RORB: variants seen among roughly 807,000 people sequenced by gnomAD.
RORB encodes nuclear receptor ROR-beta.
RORB carries 6 observed loss-of-function variants against 59.1 expected under a neutral mutation model. That is an observed-to-expected ratio of 0.10 (90% confidence interval 0.06 to 0.20). The LOEUF is 0.20. RORB is among the 10% of genes least tolerant of loss of function. The pLI is 1.00. For synonymous variants in RORB, 215 were observed against 204.5 expected, an observed-to-expected ratio of 1.05 and a Z score of -0.44; for missense variants, 320 against 560.5, an observed-to-expected ratio of 0.57 and a Z score of 4.33.
chr9:74,593,946 G>C (rs1822937001), intron 1 of RORB, among the ~76,000 whole-genome samples: 1 of 152,114 alleles, frequency 6.6e-6, no homozygotes, highest in Non-Finnish European at 1.5e-5. Flanking sequence ...TTCACAAAAA[G>C]TTAACTCATA....
intron 9 of RORB, among the ~76,000 whole-genome samples, chr9:74,681,520 T>G (rs1390178094): frequency 6.6e-6 from 1 of 152,154 alleles, no homozygotes; most frequent in Non-Finnish European, 1.5e-5. Context: ...GCGATCTGAG[T>G]GCTCTTTAAC....
chr9:74,555,019 A>C (rs1822265306), intron 1 of RORB, among the ~76,000 whole-genome samples: 1 of 152,190 alleles, frequency 6.6e-6, no homozygotes, highest in Non-Finnish European at 1.5e-5. Flanking sequence ...CAAAATCAAC[A>C]CTGGGAATTG....
intron 1 of RORB, among the ~76,000 whole-genome samples, chr9:74,601,892 A>G (rs778736910): frequency 3.3e-5 from 5 of 152,198 alleles, no homozygotes; most frequent in Non-Finnish European, 5.9e-5. Context: ...GAGTTGAACA[A>G]GCAAAGCAAC....
chr9:74,540,242 C>T (rs1826385029), intron 1 of RORB, among the ~76,000 whole-genome samples: 1 of 152,072 alleles, frequency 6.6e-6, no homozygotes, highest in South Asian at 2.1e-4. Context: ...TGCTGCCACC[C>T]CTGCCCCCTC....
At chr9:74,584,130 G>T (rs772909870) in intron 1 of RORB, among the ~76,000 whole-genome samples, 1 of 152,192 alleles carries the variant, frequency 6.6e-6, no homozygotes, top group African/African-American at 2.4e-5. Flanking sequence ...TTAATATCAT[G>T]AAATAGGCTA....
At chr9:74,631,947 G>A (rs1354585997) in intron 2 of RORB, among the ~76,000 whole-genome samples, 6 of 152,166 alleles carry the variant, frequency 3.9e-5, no homozygotes, top group Non-Finnish European at 8.8e-5. Context: ...TAGTTTAGGA[G>A]TCAGAATCCT....
chr9:74,509,029 G>C (rs528056999), intron 1 of RORB, among the ~76,000 whole-genome samples: 116 of 152,082 alleles, frequency 7.6e-4, no homozygotes, highest in Non-Finnish European at 1.4e-3. Flanking sequence ...CGTTTGGCCA[G>C]CATTGGCCCT....
In RORB at chr9:74,689,010, T is replaced by C. The variant is rs1428865065; in HGVS notation, c.*3392T>C. 1.3e-5 allele frequency: 2 copies of C among 152,150 alleles called. No individual in the cohort carries two copies. The highest frequency in any genetic ancestry group is 6.5e-5 in the Admixed American group (1 of 15,276). The allele number at this position is 152,150 out of a possible 1,614,324, so 9.4% of individuals were successfully genotyped here. On this transcript the variant is annotated 3_prime_UTR_variant, in exon 10 of 10. Coordinates refer to ENST00000376896, the MANE Select transcript of RORB (RefSeq NM_006914.4). Reference sequence around the variant, plus strand: ...AGAAAGGGAAATTTTGGAGGGAAAATAGGACAGGAAAGGATTCCAAATCTG... The same window carrying C: ...AGAAAGGGAAATTTTGGAGGGAAAACAGGACAGGAAAGGATTCCAAATCTG...
At chr9:74,562,541 C>T (rs1041846340) in intron 1 of RORB, among the ~76,000 whole-genome samples, 1 of 152,184 alleles carries the variant, frequency 6.6e-6, no homozygotes, top group East Asian at 1.9e-4. Context: ...GCTAGTTTGC[C>T]TCTTCTTAGA....
intron 9 of RORB, among the ~76,000 whole-genome samples, chr9:74,682,620 C>A (rs957020808): frequency 6.6e-6 from 1 of 152,102 alleles, no homozygotes; most frequent in Non-Finnish European, 1.5e-5. Flanking sequence ...CATTACTTGA[C>A]CCCCACCAAA....
intron 1 of RORB, among the ~76,000 whole-genome samples, chr9:74,568,357 T>G (rs1417387648): frequency 6.6e-6 from 1 of 151,796 alleles, no homozygotes; most frequent in Admixed American, 6.6e-5. Context: ...ATGATGAAAA[T>G]TAGCACAATA....
intron 1 of RORB, among the ~76,000 whole-genome samples, chr9:74,517,976 A>G (rs1412922516): frequency 6.6e-6 from 1 of 152,050 alleles, no homozygotes; most frequent in East Asian, 1.9e-4. Flanking sequence ...AATGAAGCAC[A>G]GAGAGGTTAA....
chr9:74,503,062 A>C (rs1316346717), intron 1 of RORB, among the ~76,000 whole-genome samples: 1 of 152,098 alleles, frequency 6.6e-6, no homozygotes, highest in Non-Finnish European at 1.5e-5. Flanking sequence ...AATTATGCTT[A>C]ATAATTAATG....
chr9:74,665,851 A>G (rs903218723), intron 7 of RORB, among the ~76,000 whole-genome samples: 1 of 152,202 alleles, frequency 6.6e-6, no homozygotes, highest in Non-Finnish European at 1.5e-5. Flanking sequence ...TCATTCAGAA[A>G]TAAATGGAGG....
chr9:74,568,137 G>A (rs1822495778), intron 1 of RORB, among the ~76,000 whole-genome samples: 1 of 151,950 alleles, frequency 6.6e-6, no homozygotes. Context: ...ATGTTAAGTG[G>A]GTACAGTTTT....
chr9:74,667,286 A>G (rs1824282813), intron 7 of RORB, among the ~76,000 whole-genome samples: 1 of 152,256 alleles, frequency 6.6e-6, no homozygotes, highest in African/African-American at 2.4e-5. Flanking sequence ...ACTGAAGTGC[A>G]TCTCATCTCT....
chr9:74,509,329 C>A (rs1468742891), intron 1 of RORB, among the ~76,000 whole-genome samples: 2 of 151,942 alleles, frequency 1.3e-5, no homozygotes, highest in Non-Finnish European at 2.9e-5. Flanking sequence ...TAATTATTCC[C>A]TGGAAAGTTC....
At chr9:74,624,778 A>G (rs1387584776) in intron 1 of RORB, among the ~76,000 whole-genome samples, 1 of 152,236 alleles carries the variant, frequency 6.6e-6, no homozygotes, top group Non-Finnish European at 1.5e-5. Flanking sequence ...ATGAGATACA[A>G]CTTGGGCTAC....
chr9:74,636,119 A>G (rs1766736813), intron 3 of RORB, among the ~76,000 whole-genome samples: 2 of 152,136 alleles, frequency 1.3e-5, no homozygotes, highest in African/African-American at 4.8e-5. Context: ...CCTAAGATAA[A>G]TTTATAGCAA....
Sources: allele counts gnomAD v4.1 joint callset (sites outside exome capture counted in the v4.1 genomes callset), GRCh38; gene constraint gnomAD v4.1.1; transcripts MANE v1.5; gene names NCBI Gene and HGNC (gene_info 2026-07-23, HGNC 2026-07-21).